The following CDC42BPB variants were observed in gnomAD, a reference collection of about 807,000 sequenced individuals.
CDC42BPB encodes serine/threonine-protein kinase MRCK beta.
Under a neutral mutation model 214.9 loss-of-function variants are expected in CDC42BPB, and 37 were observed. That is an observed-to-expected ratio of 0.17 (90% CI 0.13 to 0.23). The LOEUF is 0.23. CDC42BPB is among the 10% of genes least tolerant of loss of function. The probability of loss-of-function intolerance (pLI) is 1.00; values close to 1 mark genes in which losing one functional copy is unlikely to be tolerated. For synonymous variants in CDC42BPB, 931 were observed against 884.0 expected, an observed-to-expected ratio of 1.05 and a Z score of -0.94; for missense variants, 1,694 against 2,227.0, an observed-to-expected ratio of 0.76 and a Z score of 4.82.
Position 102,944,570 on chromosome 14 carries a change from C to G in CDC42BPB, c.3812-83G>C, listed in dbSNP as rs995158959. The G allele has an allele frequency of 6.5e-7, 1 of 1,530,130 alleles. No homozygotes were observed. Among genetic ancestry groups the G allele is most frequent in the African/African-American group, 1.4e-5 (1 of 72,638 alleles). The allele number at this position is 1,530,130 out of a possible 1,614,324, so 94.8% of individuals were successfully genotyped here. A position where few individuals can be genotyped will look rare whatever the true frequency, so the allele number is the denominator to read the frequency against. Reference sequence around the variant, plus strand: ...CTGACGGCCTTGGCTAAAGACTTGCCTGGAACACTCTGGGGCCCTCCCCTG... The same window carrying G: ...CTGACGGCCTTGGCTAAAGACTTGCGTGGAACACTCTGGGGCCCTCCCCTG... On this transcript the variant is annotated intron_variant, in intron 29 of 36. Coordinates refer to ENST00000361246, the MANE Select transcript of CDC42BPB (RefSeq NM_006035.4). This position sits in a 1 kb window ranked among gnomAD's most constrained non-coding sequence, Gnocchi z 6.6.
At chr14:102,960,565 G>A (rs565705989) in intron 20 of CDC42BPB, among the ~76,000 whole-genome samples, 2 of 152,068 alleles carry the variant, frequency 1.3e-5, no homozygotes, top group South Asian at 2.1e-4. Context: ...GAGGCTGCAC[G>A]TGCCACTGCA....
Position 102,943,589 on chromosome 14 carries a change from G to A in CDC42BPB, c.4408+302C>T, listed in dbSNP as rs1259564262. On this transcript the variant is annotated intron_variant, in intron 30 of 36. Coordinates refer to ENST00000361246, the MANE Select transcript of CDC42BPB (RefSeq NM_006035.4). The surrounding 1 kb of genome is among the most constrained non-coding windows in gnomAD (Gnocchi z 4.6). ...GAGATGAATGCCACGCCCCGTTCTC[G>A]GTTCGCCGAGCCCTTCTGCCCAGGG... Among the ~76,000 whole-genome samples, 3 of 152,188 alleles carry A rather than the reference G, an allele frequency of 2.0e-5. No homozygotes were observed. The highest frequency in any genetic ancestry group is 6.5e-5 in the Admixed American group (1 of 15,282).
chr14:102,969,983 G>A (rs1893400050), intron 14 of CDC42BPB, among the ~76,000 whole-genome samples, 168 bp downstream of exon 14: 1 of 152,190 alleles, frequency 6.6e-6, no homozygotes, highest in Admixed American at 6.5e-5. Context: ...AAGCAGTCAC[G>A]AAGGCAGGGG....
chr14:103,021,877 A>G (rs1886795547), intron 1 of CDC42BPB, among the ~76,000 whole-genome samples: 1 of 152,096 alleles, frequency 6.6e-6, no homozygotes, highest in Non-Finnish European at 1.5e-5. Flanking sequence ...AAGTGAGACG[A>G]GCGGATTTCC....
At chr14:102,940,942 T>C (rs1443711012) in intron 30 of CDC42BPB, among the ~76,000 whole-genome samples, 1 of 152,254 alleles carries the variant, frequency 6.6e-6, no homozygotes, top group African/African-American at 2.4e-5. Context: ...GGGTCCGCGC[T>C]GTGCTCCTCA....
Position 102,938,323 on chromosome 14 carries a change from A to G in CDC42BPB, c.4916T>C (p.Ile1639Thr). 1 of 1,607,464 alleles carries G rather than the reference A, an allele frequency of 6.2e-7. No individual in the cohort carries two copies. The highest frequency in any genetic ancestry group is 8.5e-7 in the Non-Finnish European group (1 of 1,177,262). The change falls in exon 35 of 37, where the codon ATC becomes ACC. Residue 1639 changes from isoleucine (I) to threonine (T), a missense_variant. By Grantham distance (89) the Ile-to-Thr change is moderately conservative. Around this residue, in one of 7 missense-constraint regions of CDC42BPB, gnomAD observed 146 missense variants for 134.1 expected, o/e 1.09. Coordinates refer to ENST00000361246, the MANE Select transcript of CDC42BPB (RefSeq NM_006035.4). ...CCCTGTACCTGATGAGGGCCACGAG[A>G]TGTAGGGCTTGTTCCTGGATGGAGG... ...RQPPSRNKPY[I>T]SWPSSGGSEP...
intron 36 of CDC42BPB, among the ~76,000 whole-genome samples, chr14:102,935,764 C>CAAAAA (rs55833197): frequency 5.4e-5 from 4 of 74,570 alleles, no homozygotes; most frequent in African/African-American, 1.6e-4. Flanking sequence ...CACTCTGTCT[C>CAAAAA]AAAAAAAAAA....
intron 7 of CDC42BPB, 29 bp downstream of exon 7, chr14:102,983,526 CA>C (rs36061149): frequency 0.12 from 164,111 of 1,336,512 alleles, 179 homozygotes; most frequent in East Asian, 0.23. Flanking sequence ...AGCCAGGTAC[CA>C]AAAAAAAAAA....
chr14:102,965,844 T>C (rs965368988), intron 18 of CDC42BPB, among the ~76,000 whole-genome samples: 5 of 152,028 alleles, frequency 3.3e-5, no homozygotes, highest in African/African-American at 1.2e-4. Context: ...TAATCCCAGC[T>C]ACTCGGGGGG....
chr14:102,954,574 G>C (rs1283001712), intron 22 of CDC42BPB, 28 bp downstream of exon 22: 1 of 1,583,548 alleles, frequency 6.3e-7, no homozygotes. Context: ...CCCCAGGTGG[G>C]AGCATCACCA....
At chr14:102,946,913 T>C (rs1431855816) in intron 27 of CDC42BPB, 4 of 971,932 alleles carry the variant, frequency 4.1e-6, no homozygotes, top group African/African-American at 1.8e-5. Context: ...CCTGGTCCCA[T>C]TTTCGTTAAT....
rs1889024666 is a variant in CDC42BPB, at chr14:103,057,039, G to A, written c.135C>T (p.Ala45=). The A allele has an allele frequency of 6.6e-7, 1 of 1,517,026 alleles. No homozygotes were observed. The highest frequency in any genetic ancestry group is 1.7e-4 in the Middle Eastern group (1 of 5,882). The allele number at this position is 1,517,026 out of a possible 1,614,324, so 94.0% of individuals were successfully genotyped here. The change falls in exon 1 of 37, where the codon GCC becomes GCT. Residue 45 remains alanine, a synonymous_variant. Coordinates refer to ENST00000361246, the MANE Select transcript of CDC42BPB (RefSeq NM_006035.4). ...CGGCCACGTACTTGTCGCGGCGCAG[G>A]GCCGAGTGGCTGCACTCGGTGTACA... ...VCLYTECSHS[A]LRRDKYVAEF...
At position 102,950,320 on chromosome 14, in the gene CDC42BPB, CAGTGCCCAGGAGGGTA is replaced by C. The variant is rs1892428554; in HGVS notation, c.3309+130_3309+145del. The C allele has an allele frequency of 2.1e-5, 24 of 1,147,646 alleles. No individual in the cohort carries two copies. In the Admixed American group the frequency reaches 5.0e-4, roughly 24 times the overall value. 71.1% of individuals were successfully genotyped at this position (1,147,646 alleles called of 1,614,324 possible). A position where few individuals can be genotyped will look rare whatever the true frequency, so the allele number is the denominator to read the frequency against. On this transcript the variant is annotated intron_variant, in intron 25 of 36. Transcript: ENST00000361246. ...AGCGGCTGCGCCGACCTGATGGCCT[CAGTGCCCAGGAGGGTA>C]AGCCCCCTAGGACTGGCACCAGGGC...
rs960141498 is a variant in CDC42BPB at position 103,011,288 on chromosome 14, C to A, written c.267+809G>T. On this transcript the variant is annotated intron_variant, in intron 2 of 36. Transcript: ENST00000361246. ...TGCACCTGCATGACTGGCCCTCCTC[C>A]CCTAGGCAAAGCCAACCGGACCCAG... is the stretch of plus-strand genomic sequence containing the variant. Among the ~76,000 whole-genome samples the A allele has an allele frequency of 3.3e-5, 5 of 152,326 alleles. No individual in the cohort carries two copies. In the South Asian group the frequency reaches 6.2e-4, roughly 19 times the overall value.
chr14:102,982,738 C>T (rs1021752130), intron 7 of CDC42BPB, among the ~76,000 whole-genome samples: 4 of 151,674 alleles, frequency 2.6e-5, no homozygotes, highest in Admixed American at 2.0e-4. Flanking sequence ...CCAGCCTGGG[C>T]GACAAGAGCG....
chr14:103,053,720 C>T (rs1424905188), intron 1 of CDC42BPB, among the ~76,000 whole-genome samples: 1 of 151,060 alleles, frequency 6.6e-6, no homozygotes, highest in African/African-American at 2.4e-5. Context: ...CGAGATCCCG[C>T]CACTGCACTC....
intron 25 of CDC42BPB, chr14:102,950,127 A>G (rs1892418469): frequency 2.0e-6 from 2 of 984,220 alleles, no homozygotes; most frequent in Middle Eastern, 5.2e-4. Context: ...CGCTGTGTCC[A>G]CCCCATGCAG....
chr14:102,966,933 G>T, intron 17 of CDC42BPB, 113 bp downstream of exon 17: 2 of 1,286,874 alleles, frequency 1.6e-6, no homozygotes, highest in Non-Finnish European at 2.2e-6. Flanking sequence ...CTGCACCCCA[G>T]CCTGAGAGGC....
rs1037579866 is a variant in CDC42BPB, at chr14:102,944,954, C to T, written c.3812-467G>A. Among the ~76,000 whole-genome samples the T allele has an allele frequency of 7.2e-5, 11 of 152,170 alleles. No individual in the cohort carries two copies. The highest frequency in any genetic ancestry group is 2.4e-4 in the African/African-American group (10 of 41,426). ...ACAAATCCTCTGAAGACGCTGCCCTCACAGGGCCCCCAGTGAAGACACTGC... is the reference window on the plus strand; with the variant it reads ...ACAAATCCTCTGAAGACGCTGCCCTTACAGGGCCCCCAGTGAAGACACTGC... On this transcript the variant is annotated intron_variant, in intron 29 of 36. Transcript: ENST00000361246. This position sits in a 1 kb window ranked among gnomAD's most constrained non-coding sequence, Gnocchi z 6.6.
Sources: gnomAD v4.1 joint callset for allele counts (sites outside exome capture counted in the v4.1 genomes callset) on GRCh38, gnomAD v4.1.1 for gene constraint, gnomAD v4.1.1 regional missense constraint, Gnocchi (gnomAD v3.1) non-coding constraint, MANE v1.5 for transcripts, NCBI Gene and HGNC (gene_info 2026-07-23, HGNC 2026-07-21) for gene names.